PARD3B: variants seen among roughly 807,000 people sequenced by gnomAD.
The protein encoded by PARD3B is par-3 family cell polarity regulator beta.
In PARD3B, 103 loss-of-function variants were observed where a neutral mutation model predicts 130.2. The observed-to-expected ratio is 0.79, with a 90% CI of 0.67 to 0.93. The LOEUF (loss-of-function observed/expected upper bound fraction) is 0.93. Among genes scored for constraint, PARD3B ranks in the 40% least tolerant of loss-of-function variants. The probability of loss-of-function intolerance (pLI) is 0.00; values close to 1 mark genes in which losing one functional copy is unlikely to be tolerated. For synonymous variants in PARD3B, 583 were observed against 553.2 expected (o/e 1.05, Z -0.76); for missense variants, 1,609 against 1,499.2 (o/e 1.07, Z -1.21).
At chr2:205,285,297 A>ATTG (rs374041647) in intron 16 of PARD3B, among the ~76,000 whole-genome samples, 2 of 151,844 alleles carry the variant, frequency 1.3e-5, no homozygotes, top group African/African-American at 2.4e-5. Context: ...TATTATTATT[A>ATTG]TTGTTGTTGT....
At chr2:204,583,115 C>T (rs2032647842) in intron 1 of PARD3B, among the ~76,000 whole-genome samples, 1 of 142,060 alleles carries the variant, frequency 7.0e-6, no homozygotes, top group African/African-American at 2.7e-5. Context: ...CCCAGCCATC[C>T]CATTACTGGG....
intron 18 of PARD3B, among the ~76,000 whole-genome samples, chr2:205,354,658 A>G (rs181433874): frequency 2.0e-5 from 3 of 152,188 alleles, no homozygotes; most frequent in African/African-American, 7.2e-5. Context: ...TCTGATAACT[A>G]TCTTCTGATG....
intron 1 of PARD3B, among the ~76,000 whole-genome samples, chr2:204,647,686 G>A (rs893149573): frequency 9.9e-5 from 15 of 151,704 alleles, no homozygotes; most frequent in Non-Finnish European, 1.9e-4. Context: ...AGTTCTGAGA[G>A]TTTTCTTTAA....
rs886455404 is a variant in PARD3B at position 205,125,187 on chromosome 2, T to A, written c.1306-422T>A. Among the ~76,000 whole-genome samples the A allele has an allele frequency of 1.6e-4, 24 of 152,208 alleles. No homozygotes were observed. Among genetic ancestry groups the A allele is most frequent in the African/African-American group, 5.1e-4 (21 of 41,462 alleles). On this transcript the variant is annotated intron_variant, in intron 9 of 22. Transcript: ENST00000406610. This position sits in a 1 kb window ranked among gnomAD's most constrained non-coding sequence, Gnocchi z 4.0. ...AATCTGGTGACTATAATTTTCTAAATATGTTTAAAACCTGCAGGATTCTAT... is the reference window on the plus strand; with the variant it reads ...AATCTGGTGACTATAATTTTCTAAAAATGTTTAAAACCTGCAGGATTCTAT...
chr2:205,542,354 T>TAG (rs1553540489), intron 21 of PARD3B, among the ~76,000 whole-genome samples: 29 of 145,208 alleles, frequency 2.0e-4, no homozygotes, highest in South Asian at 2.0e-3. Flanking sequence ...TAGTTTGTGT[T>TAG]TGTGTGTGTG....
chr2:205,158,860 T>A lies in PARD3B; in HGVS notation c.1573T>A (p.Leu525Met), dbSNP rs1251309109. Residue 525 changes from leucine to methionine, a missense_variant, in exon 11 of 23, where the codon TTG becomes ATG. By Grantham distance (15) the Leu-to-Met change is conservative. Coordinates refer to ENST00000406610, the MANE Select transcript of PARD3B (RefSeq NM_001302769.2). This position sits in a 1 kb window ranked among gnomAD's most constrained non-coding sequence, Gnocchi z 5.4. ...CAAATCCAGAGAAACTGGAACAGAC[T>A]TGGGGATTTTTATCAAATCCATCAT... is the stretch of plus-strand genomic sequence containing the variant. ...GNKSRETGTD[L>M]GIFIKSIIHG... The A allele has an allele frequency of 6.2e-7, 1 of 1,614,142 alleles. No homozygotes were observed. The highest frequency in any genetic ancestry group is 8.5e-7 in the Non-Finnish European group (1 of 1,180,022).
intron 18 of PARD3B, among the ~76,000 whole-genome samples, chr2:205,342,298 C>G (rs2043572969): frequency 6.6e-6 from 1 of 152,110 alleles, no homozygotes; most frequent in African/African-American, 2.4e-5. Context: ...GGATTAGTTT[C>G]AATAACCTAT....
chr2:205,450,435 C>G (rs1242189295), intron 20 of PARD3B, among the ~76,000 whole-genome samples: 1 of 138,616 alleles, frequency 7.2e-6, no homozygotes, highest in Non-Finnish European at 1.5e-5. Context: ...AGATGAAAGG[C>G]AAGAAAACTT....
intron 16 of PARD3B, among the ~76,000 whole-genome samples, chr2:205,294,151 GTCTT>G (rs1463724983): frequency 6.6e-6 from 1 of 151,950 alleles, no homozygotes; most frequent in African/African-American, 2.4e-5. Flanking sequence ...ATCCAGTAGA[GTCTT>G]TCTAAGGGAG....
chr2:205,036,313 G>A (rs1287271770), intron 3 of PARD3B, among the ~76,000 whole-genome samples: 1 of 144,258 alleles, frequency 6.9e-6, no homozygotes, highest in African/African-American at 2.5e-5. Context: ...AAAAATATAT[G>A]TATATAGTGG....
intron 1 of PARD3B, among the ~76,000 whole-genome samples, chr2:204,566,759 T>A (rs1277775383): frequency 1.3e-5 from 2 of 152,084 alleles, no homozygotes; most frequent in Non-Finnish European, 2.9e-5. Flanking sequence ...ATTTTTTTTC[T>A]TAAGTAGTTG....
chr2:205,196,456 A>G (rs757194147), intron 15 of PARD3B, among the ~76,000 whole-genome samples: 3 of 152,114 alleles, frequency 2.0e-5, no homozygotes, highest in Non-Finnish European at 2.9e-5. Context: ...ATGGGATGCA[A>G]GTGATTTTTT....
chr2:204,696,882 C>G (rs1450426351), intron 2 of PARD3B, among the ~76,000 whole-genome samples: 1 of 152,066 alleles, frequency 6.6e-6, no homozygotes, highest in Non-Finnish European at 1.5e-5. Context: ...AAGAAAGCCT[C>G]CTTGTGCAGA....
chr2:205,277,636 G>A (rs1002693667), intron 16 of PARD3B, among the ~76,000 whole-genome samples: 9 of 152,138 alleles, frequency 5.9e-5, no homozygotes, highest in African/African-American at 2.2e-4. Flanking sequence ...CAGATGCAGA[G>A]ACCCAATGGA....
chr2:204,865,548 A>G (rs2045373562), intron 2 of PARD3B, among the ~76,000 whole-genome samples: 1 of 152,190 alleles, frequency 6.6e-6, no homozygotes, highest in South Asian at 2.1e-4. Flanking sequence ...AAAACCAAAC[A>G]TCGTATGTTC....
intron 19 of PARD3B, among the ~76,000 whole-genome samples, chr2:205,404,673 T>C (rs191407524): frequency 6.6e-6 from 1 of 152,270 alleles, no homozygotes; most frequent in East Asian, 1.9e-4. Flanking sequence ...TTATCCCTTT[T>C]TTCTTTCCTT....
rs113824926 is a variant in PARD3B, at chr2:205,016,241, G to T, written c.395-31340G>T. ...TTGTGGGACTTACCTGCTGGGAACT[G>T]TAATGGCCTCCTCTAGCACATAGAA... On this transcript the variant is annotated intron_variant, in intron 3 of 22. Transcript: ENST00000406610. 8.1e-4 allele frequency among the ~76,000 whole-genome samples: 123 copies of T among 152,326 alleles called. 1 individual carries two copies. The highest frequency in any genetic ancestry group is 2.8e-3 in the African/African-American group (115 of 41,580).
intron 3 of PARD3B, among the ~76,000 whole-genome samples, chr2:204,990,828 A>G (rs1693605863): frequency 1.3e-5 from 2 of 152,164 alleles, no homozygotes; most frequent in Admixed American, 1.3e-4. Flanking sequence ...ACTTTATATA[A>G]AAGTTTCATA....
intron 20 of PARD3B, among the ~76,000 whole-genome samples, chr2:205,469,504 A>G (rs191313223): frequency 8.5e-5 from 13 of 152,316 alleles, no homozygotes; most frequent in Admixed American, 5.2e-4. Context: ...GGACTTCTCC[A>G]GGGCACAGCA....
Sources: allele counts gnomAD v4.1 joint callset (sites outside exome capture counted in the v4.1 genomes callset), GRCh38; gene constraint gnomAD v4.1.1; non-coding constraint Gnocchi (gnomAD v3.1); transcripts MANE v1.5; gene names NCBI Gene and HGNC (gene_info 2026-07-23, HGNC 2026-07-21).